The following NTRK3 variants were observed in gnomAD, a reference collection of about 807,000 sequenced individuals.
The protein encoded by NTRK3 is neurotrophic receptor tyrosine kinase 3, also known as NT-3 growth factor receptor.
NTRK3 carries 24 observed loss-of-function variants against 91.7 expected under a neutral mutation model. That is an observed-to-expected ratio of 0.26 (90% CI 0.19 to 0.37). The LOEUF is 0.37. Among genes scored for constraint, NTRK3 ranks in the 10% least tolerant of loss-of-function variants. The pLI, the probability that NTRK3 is intolerant of heterozygous loss-of-function variation, is 1.00. For missense variants in NTRK3, 880 were observed against 1,068.9 expected, an observed-to-expected ratio of 0.82 and a Z score of 2.46; for synonymous variants, 483 against 404.0, an observed-to-expected ratio of 1.20 and a Z score of -2.34.
chr15:88,076,910 T>C (rs1339446091), intron 13 of NTRK3, among the ~76,000 whole-genome samples: 7 of 151,932 alleles, frequency 4.6e-5, no homozygotes, highest in African/African-American at 2.4e-5. Flanking sequence ...CTGGTGAACA[T>C]GGTGAAACCC....
chr15:87,927,208 T>G (rs1269390072), intron 17 of NTRK3: 5 of 152,228 alleles, frequency 3.3e-5, no homozygotes, highest in African/African-American at 1.2e-4. Flanking sequence ...CACTGTATGC[T>G]TTGTCTTATA....
At chr15:88,034,164 G>A (rs1157551644) in intron 13 of NTRK3, among the ~76,000 whole-genome samples, 1 of 152,168 alleles carries the variant, frequency 6.6e-6, no homozygotes, top group East Asian at 1.9e-4. Flanking sequence ...TAAGTCCACT[G>A]TGGGCCTGGA....
intron 14 of NTRK3, among the ~76,000 whole-genome samples, chr15:88,001,078 T>C (rs998890136): frequency 2.6e-5 from 4 of 152,318 alleles, no homozygotes; most frequent in South Asian, 4.1e-4. Context: ...CAATGTGGAT[T>C]TGCATTTCCC....
intron 13 of NTRK3, among the ~76,000 whole-genome samples, chr15:88,037,418 T>G (rs1324888756): frequency 2.0e-5 from 3 of 152,016 alleles, no homozygotes; most frequent in Non-Finnish European, 4.4e-5. Flanking sequence ...AAAAATTAGC[T>G]GGGTGTGTTG....
intron 14 of NTRK3, among the ~76,000 whole-genome samples, chr15:88,009,594 T>C (rs924030210): frequency 1.3e-5 from 2 of 152,210 alleles, no homozygotes; most frequent in African/African-American, 4.8e-5. Context: ...TGATACGCTC[T>C]GCATAGGCCA....
chr15:88,008,716 G>A (rs912823774), intron 14 of NTRK3, among the ~76,000 whole-genome samples: 4 of 152,044 alleles, frequency 2.6e-5, no homozygotes, highest in African/African-American at 4.8e-5. Flanking sequence ...GGCCCCCAGC[G>A]ATTCTTCATA....
chr15:88,054,598 G>A (rs149657527), intron 13 of NTRK3, among the ~76,000 whole-genome samples: 82 of 152,172 alleles, frequency 5.4e-4, no homozygotes, highest in African/African-American at 1.9e-3. Flanking sequence ...ATGACAGCAT[G>A]GCACCTCCTA....
In NTRK3 at chr15:88,255,282, G is replaced by T. The variant is rs1284245613; in HGVS notation, c.248+624C>A. ...AATGCCCAAAATGGGGCTGGAGAGG[G>T]CGGGCTGCAGGAGGGGAAGGGAAGA... On this transcript the variant is annotated intron_variant, in intron 3 of 18. Transcript: ENST00000394480. The surrounding 1 kb of genome is among the most constrained non-coding windows in gnomAD (Gnocchi z 4.3). 8.5e-5 allele frequency among the ~76,000 whole-genome samples: 13 copies of T among 152,226 alleles called. No individual in the cohort carries two copies.
chr15:88,174,246 T>A (rs1184658245), intron 5 of NTRK3, among the ~76,000 whole-genome samples: 1 of 152,184 alleles, frequency 6.6e-6, no homozygotes, highest in East Asian at 1.9e-4. Context: ...CACTGTCTCA[T>A]GTTTGAGATG....
At chr15:88,154,906 C>A (rs1365535634) in intron 5 of NTRK3, among the ~76,000 whole-genome samples, 1 of 152,196 alleles carries the variant, frequency 6.6e-6, no homozygotes, top group Non-Finnish European at 1.5e-5. Flanking sequence ...ATAGAATCTT[C>A]TCCATGGAGT....
chr15:88,217,377 A>G (rs1273706803), intron 3 of NTRK3, among the ~76,000 whole-genome samples: 2 of 152,264 alleles, frequency 1.3e-5, no homozygotes, highest in East Asian at 3.8e-4. Flanking sequence ...TGAATGGATA[A>G]CAAAATGTGG....
chr15:88,091,037 G>A (rs2048967892), intron 13 of NTRK3, among the ~76,000 whole-genome samples: 1 of 152,186 alleles, frequency 6.6e-6, no homozygotes, highest in African/African-American at 2.4e-5. Context: ...TGTAACTCCT[G>A]TGTGAACCCT....
chr15:87,984,973 T>G (rs138494375), intron 14 of NTRK3, among the ~76,000 whole-genome samples: 1 of 152,254 alleles, frequency 6.6e-6, no homozygotes, highest in African/African-American at 2.4e-5. Context: ...AAACATTATG[T>G]TTATTGTACT....
chr15:87,938,849 G>A (rs1314952679), intron 15 of NTRK3, among the ~76,000 whole-genome samples: 2 of 152,160 alleles, frequency 1.3e-5, no homozygotes, highest in Non-Finnish European at 2.9e-5. Context: ...AGACACCCTT[G>A]TCCATCTGAC....
At chr15:87,914,472 T>C (rs761019804) in intron 17 of NTRK3, among the ~76,000 whole-genome samples, 4 of 152,352 alleles carry the variant, frequency 2.6e-5, no homozygotes, top group Non-Finnish European at 4.4e-5. Flanking sequence ...TGAGGATTCA[T>C]GTAAGAAGAT....
chr15:88,256,143 G>A, exon 3 of NTRK3: 1 of 1,553,766 alleles, frequency 6.4e-7, no homozygotes, highest in African/African-American at 1.4e-5. Flanking sequence ...TGGGCAAAGA[G>A]AGACATCCAT....
At chr15:88,184,832 G>T (rs1235843008) in intron 3 of NTRK3, among the ~76,000 whole-genome samples, 1 of 152,204 alleles carries the variant, frequency 6.6e-6, no homozygotes, top group East Asian at 1.9e-4. Flanking sequence ...AGCCCCCTTT[G>T]GGTGACCCAC....
At chr15:88,176,513 C>T (rs1414983070) in intron 5 of NTRK3, among the ~76,000 whole-genome samples, 7 of 152,086 alleles carry the variant, frequency 4.6e-5, no homozygotes, top group African/African-American at 1.7e-4. Context: ...CTAGGTAAGA[C>T]CCAAAGAAAG....
At chr15:88,053,152 G>A (rs1004686039) in intron 13 of NTRK3, among the ~76,000 whole-genome samples, 2 of 152,194 alleles carry the variant, frequency 1.3e-5, no homozygotes, top group Non-Finnish European at 2.9e-5. Context: ...AACAGAATGT[G>A]GATAACTAAA....
Sources: gnomAD v4.1 joint callset for allele counts (sites outside exome capture counted in the v4.1 genomes callset) on GRCh38, gnomAD v4.1.1 for gene constraint, Gnocchi (gnomAD v3.1) non-coding constraint, MANE v1.5 for transcripts, NCBI Gene and HGNC (gene_info 2026-07-23, HGNC 2026-07-21) for gene names.